Variants in SCFD2 observed in about 807,000 individuals in gnomAD.
The protein encoded by SCFD2 is sec1 family domain containing 2.
A neutral mutation model predicts 58.9 loss-of-function variants in SCFD2; 54 were observed. The observed-to-expected ratio is 0.92, with a 90% confidence interval of 0.74 to 1.15. SCFD2 has a LOEUF of 1.15. Among genes scored for constraint, SCFD2 ranks in the 50% most tolerant of loss-of-function variants. The pLI is 0.00. For missense variants in SCFD2, 805 were observed against 836.6 expected (o/e 0.96, Z 0.47); for synonymous variants, 321 against 335.9 (o/e 0.96, Z 0.49).
At chr4:53,091,569 T>TA (rs1187207467) in intron 5 of SCFD2, among the ~76,000 whole-genome samples, 2 of 152,158 alleles carry the variant, frequency 1.3e-5, no homozygotes, top group African/African-American at 4.8e-5. Flanking sequence ...ACATAAATCT[T>TA]ATTGCTAAAT....
intron 5 of SCFD2, among the ~76,000 whole-genome samples, chr4:52,971,267 GA>G (rs1247259241): frequency 6.6e-6 from 1 of 151,884 alleles, no homozygotes; most frequent in African/African-American, 2.4e-5. Context: ...TAAAAACCTT[GA>G]AAAAAAATTA....
At chr4:53,305,632 TA>T (rs902575609) in intron 3 of SCFD2, among the ~76,000 whole-genome samples, 2 of 152,222 alleles carry the variant, frequency 1.3e-5, no homozygotes, top group African/African-American at 4.8e-5. Flanking sequence ...TGTTAACATA[TA>T]ATGGGTTTAT....
At chr4:53,075,577 T>C (rs1011228573) in intron 5 of SCFD2, among the ~76,000 whole-genome samples, 7 of 152,204 alleles carry the variant, frequency 4.6e-5, no homozygotes, top group Non-Finnish European at 1.0e-4. Context: ...ATCTTTTCAC[T>C]TGAACACTTA....
chr4:53,090,920 C>T (rs1577718998), intron 5 of SCFD2, among the ~76,000 whole-genome samples: 2 of 152,106 alleles, frequency 1.3e-5, no homozygotes, highest in African/African-American at 4.8e-5. Flanking sequence ...GACTTGTTTA[C>T]GTCCAAGAAT....
At chr4:52,951,815 T>C (rs765549441) in intron 5 of SCFD2, among the ~76,000 whole-genome samples, 1 of 152,210 alleles carries the variant, frequency 6.6e-6, no homozygotes, top group Non-Finnish European at 1.5e-5. Context: ...CAAACCTCAC[T>C]GAGCCATATT....
intron 4 of SCFD2, among the ~76,000 whole-genome samples, chr4:53,149,674 A>C (rs1230531362): frequency 6.6e-6 from 1 of 152,208 alleles, no homozygotes; most frequent in African/African-American, 2.4e-5. Flanking sequence ...TAGCATAACC[A>C]GTGATAAAAC....
intron 6 of SCFD2, among the ~76,000 whole-genome samples, chr4:52,916,193 T>A (rs975548005): frequency 1.3e-5 from 2 of 152,228 alleles, no homozygotes; most frequent in African/African-American, 4.8e-5. Context: ...AGGAATGGCA[T>A]CACATCAGAC....
chr4:52,877,597 C>T (rs1172590047), intron 8 of SCFD2, among the ~76,000 whole-genome samples: 3 of 152,200 alleles, frequency 2.0e-5, no homozygotes, highest in South Asian at 2.1e-4. Context: ...TGAACATCTT[C>T]GTAAAATATC....
intron 5 of SCFD2, among the ~76,000 whole-genome samples, chr4:53,054,268 G>A (rs1723262568): frequency 6.6e-6 from 1 of 152,102 alleles, no homozygotes; most frequent in Admixed American, 6.5e-5. Flanking sequence ...TCTCTTTTAT[G>A]ACAGAATAAT....
intron 1 of SCFD2, among the ~76,000 whole-genome samples, chr4:53,356,716 C>T (rs1734409388): frequency 1.3e-5 from 2 of 150,440 alleles, no homozygotes; most frequent in South Asian, 2.1e-4. Context: ...TGAGTCACCA[C>T]ACCCAACTTG....
At chr4:53,148,438 T>A (rs1335004206) in intron 4 of SCFD2, among the ~76,000 whole-genome samples, 2 of 152,240 alleles carry the variant, frequency 1.3e-5, no homozygotes, top group Non-Finnish European at 2.9e-5. Flanking sequence ...GTCAGGAATA[T>A]TGACCAGTCT....
chr4:52,991,402 A>G (rs1721610148), intron 5 of SCFD2, among the ~76,000 whole-genome samples: 1 of 152,172 alleles, frequency 6.6e-6, no homozygotes, highest in Admixed American at 6.5e-5. Context: ...CGAAGTCCAC[A>G]TTTTTGCCCT....
intron 5 of SCFD2, among the ~76,000 whole-genome samples, chr4:52,965,227 G>C (rs2109544960): frequency 6.6e-6 from 1 of 152,242 alleles, no homozygotes; most frequent in Admixed American, 6.5e-5. Flanking sequence ...AAATTAGGTA[G>C]ACTATAAAAG....
chr4:52,967,560 G>A (rs1374061236), intron 5 of SCFD2, among the ~76,000 whole-genome samples: 1 of 152,212 alleles, frequency 6.6e-6, no homozygotes, highest in Admixed American at 6.5e-5. Context: ...TGGAATCTAG[G>A]CAGTCCCAAA....
chr4:52,907,191 C>T (rs1344670792), intron 7 of SCFD2, among the ~76,000 whole-genome samples: 1 of 152,202 alleles, frequency 6.6e-6, no homozygotes, highest in African/African-American at 2.4e-5. Flanking sequence ...TTCAATAGTG[C>T]TGTCCCAGAG....
intron 7 of SCFD2, among the ~76,000 whole-genome samples, chr4:52,887,586 G>A (rs894597984): frequency 3.3e-5 from 5 of 152,158 alleles, no homozygotes; most frequent in Non-Finnish European, 5.9e-5. Context: ...AGGGTGGAGC[G>A]GGACAGGGAG....
At chr4:53,122,084 T>C (rs1725494170) in intron 5 of SCFD2, among the ~76,000 whole-genome samples, 1 of 152,078 alleles carries the variant, frequency 6.6e-6, no homozygotes, top group Non-Finnish European at 1.5e-5. Context: ...CAAAAAACAT[T>C]CTGAACCCTA....
intron 4 of SCFD2, among the ~76,000 whole-genome samples, chr4:53,222,781 C>T (rs1729086688): frequency 6.6e-6 from 1 of 152,080 alleles, no homozygotes; most frequent in African/African-American, 2.4e-5. Context: ...GAACTGGTAC[C>T]ACAATGTTTA....
chr4:52,987,017 A>G (rs965838562), intron 5 of SCFD2, among the ~76,000 whole-genome samples: 19 of 152,144 alleles, frequency 1.2e-4, no homozygotes, highest in African/African-American at 4.6e-4. Context: ...AAATAACAGT[A>G]GTTTGAAAGG....
Sources: allele counts gnomAD v4.1 joint callset (sites outside exome capture counted in the v4.1 genomes callset), GRCh38; gene constraint gnomAD v4.1.1; transcripts MANE v1.5; gene names NCBI Gene and HGNC (gene_info 2026-07-23, HGNC 2026-07-21).